RBFOX1: variants seen among roughly 807,000 people sequenced by gnomAD.
RBFOX1 encodes RNA binding fox-1 homolog 1.
A neutral mutation model predicts 57.7 loss-of-function variants in RBFOX1; 8 were observed. The observed-to-expected ratio is 0.14, with a 90% CI of 0.08 to 0.25. The LOEUF is 0.25. RBFOX1 is among the 10% of genes least tolerant of loss of function. The pLI is 1.00. For synonymous variants in RBFOX1, 326 were observed against 222.4 expected, an observed-to-expected ratio of 1.47 and a Z score of -4.15; for missense variants, 611 against 548.5, an observed-to-expected ratio of 1.11 and a Z score of -1.14.
intron 3 of RBFOX1, among the ~76,000 whole-genome samples, chr16:6,756,975 C>T (rs532421335): frequency 2.0e-5 from 2 of 100,176 alleles, no homozygotes; most frequent in Non-Finnish European, 4.2e-5. Flanking sequence ...AACTCCATCT[C>T]AAACAAACAG....
intron 1 of RBFOX1, among the ~76,000 whole-genome samples, chr16:6,111,101 G>C (rs1386972815): frequency 6.6e-6 from 1 of 152,162 alleles, no homozygotes. Context: ...GATTTGCCTT[G>C]AAGGATGGGC....
chr16:7,001,149 C>A (rs1010798256), intron 3 of RBFOX1, among the ~76,000 whole-genome samples: 3 of 152,004 alleles, frequency 2.0e-5, no homozygotes, highest in Non-Finnish European at 4.4e-5. Flanking sequence ...TTTTCAAATC[C>A]GTTTGAGTTA....
chr16:6,616,887 TAA>T (rs2098150155), intron 2 of RBFOX1, among the ~76,000 whole-genome samples: 1 of 152,186 alleles, frequency 6.6e-6, no homozygotes, highest in Admixed American at 6.5e-5. Flanking sequence ...TTATGTAAAT[TAA>T]GTTTTATTGG....
chr16:7,492,869 A>T (rs2067370894), intron 4 of RBFOX1, among the ~76,000 whole-genome samples: 2 of 151,948 alleles, frequency 1.3e-5, no homozygotes, highest in African/African-American at 4.8e-5. Flanking sequence ...AGCCAAACTG[A>T]TGCTGGCACC....
At chr16:5,661,755 G>A (rs879670153) in intron 3 of RBFOX1, among the ~76,000 whole-genome samples, 5 of 152,118 alleles carry the variant, frequency 3.3e-5, no homozygotes, top group Admixed American at 6.5e-5. Context: ...ACTGTAGTCA[G>A]CATGCACTAC....
At chr16:5,897,057 C>T (rs2058184303) in intron 4 of RBFOX1, among the ~76,000 whole-genome samples, 1 of 76,246 alleles carries the variant, frequency 1.3e-5, no homozygotes, top group Middle Eastern at 0.013. Context: ...GGGACGGAGT[C>T]TCGCTCTGTC....
intron 3 of RBFOX1, among the ~76,000 whole-genome samples, chr16:6,970,926 T>G (rs1372269357): frequency 2.0e-5 from 3 of 152,198 alleles, no homozygotes; most frequent in Admixed American, 2.0e-4. Context: ...TCCATTTGTC[T>G]GAAACACATG....
chr16:7,701,464 T>A (rs1192571568), intron 14 of RBFOX1, among the ~76,000 whole-genome samples: 2 of 152,168 alleles, frequency 1.3e-5, no homozygotes, highest in African/African-American at 4.8e-5. Context: ...GGTTGCACAC[T>A]CCTTTTGAGA....
At chr16:5,843,941 A>C (rs1490813626) in intron 3 of RBFOX1, among the ~76,000 whole-genome samples, 1 of 152,230 alleles carries the variant, frequency 6.6e-6, no homozygotes, top group Non-Finnish European at 1.5e-5. Flanking sequence ...CCTATCAGAA[A>C]AGTCAGAAGA....
At chr16:5,330,534 C>G (rs2151272959) in intron 1 of RBFOX1, among the ~76,000 whole-genome samples, 1 of 152,148 alleles carries the variant, frequency 6.6e-6, no homozygotes, top group Non-Finnish European at 1.5e-5. Flanking sequence ...TCCCAAGTAG[C>G]TGGGACTACA....
At chr16:5,707,864 C>T (rs1194778248) in intron 3 of RBFOX1, among the ~76,000 whole-genome samples, 1 of 152,156 alleles carries the variant, frequency 6.6e-6, no homozygotes, top group East Asian at 1.9e-4. Context: ...CCATTGGAAT[C>T]AGACAGACTT....
At chr16:6,391,206 A>T (rs2092583920) in intron 2 of RBFOX1, among the ~76,000 whole-genome samples, 1 of 152,118 alleles carries the variant, frequency 6.6e-6, no homozygotes. Context: ...GAAAGTTTGA[A>T]CCAATTAAGT....
chr16:6,111,622 C>G (rs1373974601), intron 1 of RBFOX1, among the ~76,000 whole-genome samples: 4 of 152,158 alleles, frequency 2.6e-5, no homozygotes, highest in Non-Finnish European at 4.4e-5. Context: ...CTGGGTATTT[C>G]TAATGTGAGT....
chr16:6,871,913 G>C (rs1388529042), intron 3 of RBFOX1, among the ~76,000 whole-genome samples: 1 of 19,836 alleles, frequency 5.0e-5, no homozygotes, highest in Admixed American at 8.3e-4. Context: ...GAGAGAGTCT[G>C]TGTGTGTGTG....
At chr16:6,913,899 C>G (rs1390900083) in intron 3 of RBFOX1, among the ~76,000 whole-genome samples, 1 of 152,098 alleles carries the variant, frequency 6.6e-6, no homozygotes, top group African/African-American at 2.4e-5. Flanking sequence ...AACTGTGTAA[C>G]TTTTATAAAG....
At chr16:7,269,014 G>A (rs1297192191) in intron 4 of RBFOX1, among the ~76,000 whole-genome samples, 1 of 133,838 alleles carries the variant, frequency 7.5e-6, no homozygotes, top group Non-Finnish European at 1.5e-5. Flanking sequence ...TCCAGCTTGG[G>A]CGACAGAGTG....
intron 2 of RBFOX1, among the ~76,000 whole-genome samples, chr16:6,623,090 C>A (rs992770908): frequency 3.3e-5 from 5 of 152,164 alleles, no homozygotes; most frequent in South Asian, 4.1e-4. Flanking sequence ...CTGCTGTGTC[C>A]CTTGAAGTAT....
chr16:5,595,395 G>A (rs867151884), intron 2 of RBFOX1, among the ~76,000 whole-genome samples: 1 of 152,136 alleles, frequency 6.6e-6, no homozygotes, highest in African/African-American at 2.4e-5. Flanking sequence ...GTAAACTGAG[G>A]CGCAAGAGGG....
chr16:5,970,488 C>G lies in RBFOX1; in HGVS notation c.351+103153C>G, dbSNP rs148794782. On this transcript the variant is annotated intron_variant, in intron 4 of 19. Coordinates refer to the RBFOX1 transcript ENST00000641259. ...TTCTGCTACACATAAGGAACATTCT[C>G]TAGGTTCTAAGCCAGAATGCACGCT... Among the ~76,000 whole-genome samples the G allele has an allele frequency of 3.9e-5, 6 of 152,268 alleles. No homozygotes were observed. In the East Asian group the frequency reaches 5.8e-4, roughly 15 times the overall value.
Sources: allele counts gnomAD v4.1 joint callset (sites outside exome capture counted in the v4.1 genomes callset), GRCh38; gene constraint gnomAD v4.1.1; transcripts MANE v1.5; gene names NCBI Gene and HGNC (gene_info 2026-07-23, HGNC 2026-07-21).